CDK17: variants seen among roughly 807,000 people sequenced by gnomAD.
CDK17 encodes cyclin dependent kinase 17.
CDK17 carries 24 observed loss-of-function variants against 77.6 expected under a neutral mutation model. The ratio of observed to expected loss-of-function variants is 0.31; its 90% CI spans 0.22 to 0.44. CDK17 has a LOEUF of 0.44. Ranked by LOEUF, CDK17 falls within the 20% of genes least tolerant of loss-of-function variation. The pLI is 1.00. For missense variants in CDK17, 429 were observed against 622.5 expected, an observed-to-expected ratio of 0.69 and a Z score of 3.31; for synonymous variants, 203 against 210.4, an observed-to-expected ratio of 0.96 and a Z score of 0.30.
Position 96,286,669 on chromosome 12 carries a change from AGTC to A in CDK17, c.1208_1210del (p.Arg403del). On this transcript the variant is annotated inframe_deletion, in exon 12 of 17. Coordinates refer to ENST00000261211, the MANE Select transcript of CDK17 (RefSeq NM_002595.5). ...GAAAAGATTTCTTCTGTTACCTAGC[AGTC>A]GGAAAATTAAGTGCAGTTCATCTTC... The A allele has an allele frequency of 6.2e-7, 1 of 1,610,900 alleles. No homozygotes were observed. Among genetic ancestry groups the A allele is most frequent in the Non-Finnish European group, 8.5e-7 (1 of 1,177,194 alleles).
intron 1 of CDK17, among the ~76,000 whole-genome samples, chr12:96,381,787 C>A (rs1953887691): frequency 6.7e-6 from 1 of 150,226 alleles, no homozygotes; most frequent in African/African-American, 2.5e-5. Flanking sequence ...TATTATATAA[C>A]AACTTGATAA....
At chr12:96,349,360 G>A (rs1382796449) in intron 1 of CDK17, among the ~76,000 whole-genome samples, 3 of 151,946 alleles carry the variant, frequency 2.0e-5, no homozygotes, top group East Asian at 1.9e-4. Context: ...GGTTGAGGCG[G>A]GAGAATCGCT....
intron 11 of CDK17, among the ~76,000 whole-genome samples, chr12:96,288,072 G>C (rs578213610): frequency 6.6e-6 from 1 of 152,194 alleles, no homozygotes; most frequent in South Asian, 2.1e-4. Context: ...TTTTGGTTTT[G>C]CAAGATGAAA....
chr12:96,283,505 C>T (rs1330542258), intron 14 of CDK17, 98 bp downstream of exon 14: 68 of 712,846 alleles, frequency 9.5e-5, no homozygotes, highest in South Asian at 8.8e-4. Context: ...TTTTATTTGT[C>T]ATTAACAATA....
chr12:96,357,529 G>T (rs35891480), intron 1 of CDK17, among the ~76,000 whole-genome samples: 8,197 of 152,104 alleles, frequency 0.054, 288 homozygotes, highest in East Asian at 0.13. Context: ...GAACACTCTC[G>T]GTCGTGAGTG....
chr12:96,285,718 T>G (rs901053967), intron 13 of CDK17: 1 of 164,748 alleles, frequency 6.1e-6, no homozygotes, highest in Non-Finnish European at 1.3e-5. Context: ...CCTTGTGTTA[T>G]AGAGTCAAGA....
At chr12:96,364,095 G>T (rs1953544384) in intron 1 of CDK17, among the ~76,000 whole-genome samples, 1 of 152,128 alleles carries the variant, frequency 6.6e-6, no homozygotes, top group African/African-American at 2.4e-5. Flanking sequence ...TGTATCAGTG[G>T]TTTCTTTATT....
chr12:96,278,315 A>T lies in CDK17; in HGVS notation c.*1927T>A, dbSNP rs1056830696. On this transcript the variant is annotated 3_prime_UTR_variant, in exon 17 of 17. Coordinates refer to ENST00000261211, the MANE Select transcript of CDK17 (RefSeq NM_002595.5). The stretch of plus-strand genomic sequence containing the variant: ...AAGCCTATGAAAAGCTATAATGTCA[A>T]ATTTGCAACAAATCAAATATACATT... The T allele has an allele frequency of 2.0e-5, 3 of 152,170 alleles. No homozygotes were observed. The highest frequency in any genetic ancestry group is 7.2e-5 in the African/African-American group (3 of 41,456). 9.4% of individuals were successfully genotyped at this position (152,170 alleles called of 1,614,324 possible).
At chr12:96,309,338 C>T (rs1012344023) in intron 5 of CDK17, among the ~76,000 whole-genome samples, 5 of 152,196 alleles carry the variant, frequency 3.3e-5, no homozygotes, top group African/African-American at 1.2e-4. Context: ...AGCTCAAGTG[C>T]TATCTCTGTA....
At chr12:96,332,050 T>C (rs747499541) in intron 2 of CDK17, among the ~76,000 whole-genome samples, 2 of 152,226 alleles carry the variant, frequency 1.3e-5, no homozygotes, top group Non-Finnish European at 2.9e-5. Flanking sequence ...CGCTGTAACA[T>C]AGTAGCACAA....
At chr12:96,398,030 AT>A (rs1250958232) in intron 1 of CDK17, among the ~76,000 whole-genome samples, 1 of 152,122 alleles carries the variant, frequency 6.6e-6, no homozygotes, top group Non-Finnish European at 1.5e-5. Flanking sequence ...CTTTGCTTTT[AT>A]TTTCTTTCCA....
chr12:96,319,484 G>A (rs1458944722), intron 3 of CDK17, among the ~76,000 whole-genome samples: 1 of 132,384 alleles, frequency 7.6e-6, no homozygotes, highest in East Asian at 2.2e-4. Context: ...AAGCTGGGCA[G>A]AGACACAACC....
chr12:96,381,805 A>G (rs1592767637), intron 1 of CDK17, among the ~76,000 whole-genome samples: 1 of 152,030 alleles, frequency 6.6e-6, no homozygotes, highest in African/African-American at 2.4e-5. Flanking sequence ...TAAAAACCAA[A>G]TATCAGAAAA....
intron 1 of CDK17, among the ~76,000 whole-genome samples, chr12:96,375,904 T>C (rs1043019763): frequency 5.3e-5 from 8 of 152,192 alleles, no homozygotes; most frequent in African/African-American, 1.9e-4. Context: ...ATTGTTAAAG[T>C]CAGGCCTCAT....
chr12:96,398,002 GTC>G (rs756700105), intron 1 of CDK17, among the ~76,000 whole-genome samples: 4 of 152,080 alleles, frequency 2.6e-5, no homozygotes, highest in Admixed American at 6.5e-5. Flanking sequence ...CAACATTAAT[GTC>G]TCTATATTAA....
chr12:96,330,635 G>A (rs139635882), intron 2 of CDK17, among the ~76,000 whole-genome samples: 34 of 152,192 alleles, frequency 2.2e-4, no homozygotes, highest in African/African-American at 7.7e-4. Context: ...TTTGGGTCTG[G>A]CTCCTTTCAG....
chr12:96,298,078 CAGG>C (rs911691513), intron 7 of CDK17, among the ~76,000 whole-genome samples: 4 of 151,974 alleles, frequency 2.6e-5, no homozygotes, highest in Non-Finnish European at 2.9e-5. Context: ...ATCGTGAGGT[CAGG>C]AGATCGCCTG....
At chr12:96,294,445 T>C (rs971263223) in intron 10 of CDK17, among the ~76,000 whole-genome samples, 2 of 151,820 alleles carry the variant, frequency 1.3e-5, no homozygotes, top group African/African-American at 2.4e-5. Flanking sequence ...TAGCCAGGCA[T>C]GGTGGCGCAT....
chr12:96,305,739 C>G (rs1952568815), intron 5 of CDK17, among the ~76,000 whole-genome samples: 1 of 151,616 alleles, frequency 6.6e-6, no homozygotes, highest in Non-Finnish European at 1.5e-5. Flanking sequence ...TTTTTTGAGA[C>G]AGGGTCTCTT....
Sources: gnomAD v4.1 joint callset for allele counts (sites outside exome capture counted in the v4.1 genomes callset) on GRCh38, gnomAD v4.1.1 for gene constraint, MANE v1.5 for transcripts, NCBI Gene and HGNC (gene_info 2026-07-23, HGNC 2026-07-21) for gene names.